Variants in ABCD2 observed in about 807,000 individuals in gnomAD.
ABCD2 encodes ATP binding cassette subfamily D member 2.
In ABCD2, 36 loss-of-function variants were observed where a neutral mutation model predicts 70.9. The observed-to-expected ratio is 0.51, with a 90% CI of 0.39 to 0.67. ABCD2 has a LOEUF of 0.67. ABCD2 is among the 30% of genes least tolerant of loss of function. The pLI, the probability that ABCD2 is intolerant of heterozygous loss-of-function variation, is 0.00. For missense variants in ABCD2, 729 were observed against 890.2 expected, an observed-to-expected ratio of 0.82 and a Z score of 2.30; for synonymous variants, 304 against 306.9, an observed-to-expected ratio of 0.99 and a Z score of 0.10.
chr12:39,545,167 G>C (rs1055941644), downstream of ABCD2, among the ~76,000 whole-genome samples: 21 of 152,176 alleles, frequency 1.4e-4, no homozygotes, highest in Non-Finnish European at 4.4e-5. Context: ...TAGTCTTCCT[G>C]TACTTGGCCT....
At chr12:39,595,429 T>C (rs1308785091) in intron 6 of ABCD2, among the ~76,000 whole-genome samples, 1 of 152,176 alleles carries the variant, frequency 6.6e-6, no homozygotes, top group East Asian at 1.9e-4. Flanking sequence ...GCATAACTTA[T>C]ACAGAACATA....
intron 9 of ABCD2, among the ~76,000 whole-genome samples, chr12:39,562,726 C>G (rs189594458): frequency 1.2e-4 from 18 of 152,212 alleles, no homozygotes; most frequent in African/African-American, 4.3e-4. Context: ...CTACCAAATT[C>G]TACCAAATAT....
intron 6 of ABCD2, among the ~76,000 whole-genome samples, chr12:39,600,121 T>A (rs1305671237): frequency 1.3e-5 from 2 of 152,198 alleles, no homozygotes; most frequent in African/African-American, 2.4e-5. Flanking sequence ...CGCTAAATAA[T>A]CATATAGCAT....
At chr12:39,559,330 T>C (rs1271722518) in intron 9 of ABCD2, among the ~76,000 whole-genome samples, 1 of 128,402 alleles carries the variant, frequency 7.8e-6, no homozygotes, top group African/African-American at 2.9e-5. Flanking sequence ...TGAGCTAAGA[T>C]CACACCATTG....
chr12:39,544,647 T>C, the ABCD2 span, among the ~76,000 whole-genome samples: 1 of 152,146 alleles, frequency 6.6e-6, no homozygotes, highest in Admixed American at 6.5e-5. Flanking sequence ...AATCCCTCCC[T>C]TTAGGTTTTA....
chr12:39,594,085 T>C (rs986600134), intron 6 of ABCD2, among the ~76,000 whole-genome samples: 3 of 152,142 alleles, frequency 2.0e-5, no homozygotes, highest in Non-Finnish European at 4.4e-5. Context: ...AAACCACAGC[T>C]TGATATTAGT....
chr12:39,616,932 AC>A, intron 2 of ABCD2, 55 bp downstream of exon 2: 1 of 1,465,130 alleles, frequency 6.8e-7, no homozygotes, highest in Non-Finnish European at 9.2e-7. Flanking sequence ...AGCAATGACA[AC>A]TTCAAAAGAA....
chr12:39,616,809 T>C (rs1942121463), intron 2 of ABCD2, among the ~76,000 whole-genome samples, 179 bp downstream of exon 2: 1 of 152,028 alleles, frequency 6.6e-6, no homozygotes. Flanking sequence ...TGAACCACTG[T>C]CTCCTTATTT....
At chr12:39,561,607 G>A (rs1591967415) in intron 9 of ABCD2, among the ~76,000 whole-genome samples, 1 of 152,026 alleles carries the variant, frequency 6.6e-6, no homozygotes, top group Admixed American at 6.6e-5. Flanking sequence ...AAGAGGCCAA[G>A]AATGTTATTA....
At chr12:39,614,700 C>T (rs1380883809) in intron 2 of ABCD2, among the ~76,000 whole-genome samples, 1 of 152,062 alleles carries the variant, frequency 6.6e-6, no homozygotes, top group Non-Finnish European at 1.5e-5. Flanking sequence ...TAAAGATATA[C>T]TATTATCTTA....
intron 6 of ABCD2, 78 bp downstream of exon 6, chr12:39,600,493 A>C: frequency 7.6e-7 from 1 of 1,318,384 alleles, no homozygotes; most frequent in East Asian, 2.4e-5. Context: ...AAGATATATA[A>C]ACTGAGGAAC....
intron 9 of ABCD2, among the ~76,000 whole-genome samples, chr12:39,562,752 T>G (rs1941279353): frequency 6.6e-6 from 1 of 152,178 alleles, no homozygotes; most frequent in South Asian, 2.1e-4. Context: ...GAACTAATAT[T>G]AGTTCTCAAA....
At chr12:39,589,966 A>G (rs1374369216) in intron 6 of ABCD2, among the ~76,000 whole-genome samples, 1 of 152,206 alleles carries the variant, frequency 6.6e-6, no homozygotes, top group African/African-American at 2.4e-5. Context: ...ATTTTAAAAT[A>G]TTATTATAAT....
chr12:39,605,283 T>C (rs1316619406), intron 3 of ABCD2, among the ~76,000 whole-genome samples: 2 of 152,084 alleles, frequency 1.3e-5, no homozygotes, highest in South Asian at 2.1e-4. Flanking sequence ...GAAATTATAA[T>C]CTTTTATTTT....
intron 8 of ABCD2, 27 bp from the exon 9 acceptor site, chr12:39,573,868 A>C (rs757458037): frequency 1.2e-6 from 2 of 1,602,502 alleles, no homozygotes; most frequent in African/African-American, 2.7e-5. Context: ...ACAAAAATTA[A>C]TTATTTTGCT....
intron 7 of ABCD2, among the ~76,000 whole-genome samples, chr12:39,582,818 C>A (rs1379974684): frequency 6.6e-6 from 1 of 151,668 alleles, no homozygotes; most frequent in East Asian, 1.9e-4. Flanking sequence ...AGACAAAGTA[C>A]AGTATCAATA....
intron 7 of ABCD2, among the ~76,000 whole-genome samples, chr12:39,584,352 T>C (rs183780445): frequency 6.8e-4 from 103 of 152,342 alleles, no homozygotes; most frequent in Middle Eastern, 3.4e-3. Context: ...TTTCCCACTT[T>C]GTAATGGTGT....
chr12:39,566,909 A>C (rs760543004), intron 9 of ABCD2, among the ~76,000 whole-genome samples: 1 of 152,218 alleles, frequency 6.6e-6, no homozygotes, highest in South Asian at 2.1e-4. Context: ...ACTCAGGAGC[A>C]GGTTGTTCAG....
chr12:39,585,889 C>T lies in ABCD2; in HGVS notation c.1792+263G>A, dbSNP rs189630535. On this transcript the variant is annotated intron_variant, in intron 7 of 9. Transcript: ENST00000308666. ...AATGGCCTCAGGGACTTTGTACATT[C>T]GAATATAAAAGAAAAAAACTGTTTT... 2.6e-5 allele frequency among the ~76,000 whole-genome samples: 4 copies of T among 152,004 alleles called. No individual in the cohort carries two copies. The East Asian group carries it at 5.8e-4, about 22-fold the overall frequency.
Sources: allele counts gnomAD v4.1 joint callset (sites outside exome capture counted in the v4.1 genomes callset), GRCh38; gene constraint gnomAD v4.1.1; transcripts MANE v1.5; gene names NCBI Gene and HGNC (gene_info 2026-07-23, HGNC 2026-07-21).